Variants in PLXDC2 observed in about 807,000 individuals in gnomAD.
The protein encoded by PLXDC2 is plexin domain-containing protein 2.
In PLXDC2, 40 loss-of-function variants were observed where a neutral mutation model predicts 68.9. The ratio of observed to expected loss-of-function variants is 0.58; its 90% CI spans 0.45 to 0.76. PLXDC2 has a LOEUF of 0.76. PLXDC2 is among the 30% of genes least tolerant of loss of function. The pLI is 0.00. For synonymous variants in PLXDC2, 243 were observed against 234.2 expected, an observed-to-expected ratio of 1.04 and a Z score of -0.34; for missense variants, 644 against 661.9, an observed-to-expected ratio of 0.97 and a Z score of 0.30.
At chr10:19,896,781 A>G (rs767888746) in intron 1 of PLXDC2, among the ~76,000 whole-genome samples, 5 of 152,178 alleles carry the variant, frequency 3.3e-5, no homozygotes, top group Admixed American at 6.5e-5. Context: ...AGGTGTCTGC[A>G]TGGCTCAGAC....
In PLXDC2 at chr10:20,016,987, G is replaced by A. The variant is rs867171387; in HGVS notation, c.324+15001G>A. 7.2e-5 allele frequency among the ~76,000 whole-genome samples: 11 copies of A among 152,340 alleles called. No individual in the cohort carries two copies. In the Middle Eastern group the frequency reaches 0.027, roughly 377 times the overall value. ...CCACATTGGTCTTTTTGCTTCCGAG[G>A]TGGCTGTTTTTACCTACTTAGCTAG... is the stretch of plus-strand genomic sequence containing the variant. On this transcript the variant is annotated intron_variant, in intron 2 of 13. Transcript: ENST00000377252.
At chr10:19,961,749 G>A (rs1834157336) in intron 1 of PLXDC2, among the ~76,000 whole-genome samples, 2 of 152,162 alleles carry the variant, frequency 1.3e-5, no homozygotes, top group Non-Finnish European at 2.9e-5. Context: ...AGTGACCTAT[G>A]AGAGGAGTCA....
intron 1 of PLXDC2, among the ~76,000 whole-genome samples, chr10:19,886,357 A>G (rs1837845942): frequency 6.6e-6 from 1 of 152,140 alleles, no homozygotes; most frequent in Non-Finnish European, 1.5e-5. Flanking sequence ...CTTCATGAAC[A>G]TTGATGCAAA....
At chr10:19,990,128 A>AATG (rs1435246091) in intron 1 of PLXDC2, among the ~76,000 whole-genome samples, 4 of 151,962 alleles carry the variant, frequency 2.6e-5, no homozygotes, top group Non-Finnish European at 5.9e-5. Flanking sequence ...TTCATCACTT[A>AATG]ATGACTTTTT....
chr10:20,213,196 C>T (rs1416660935), intron 10 of PLXDC2, among the ~76,000 whole-genome samples: 8 of 151,936 alleles, frequency 5.3e-5, no homozygotes, highest in Admixed American at 1.3e-4. Context: ...TTGTCTTACA[C>T]GTCAAAATCT....
intron 13 of PLXDC2, among the ~76,000 whole-genome samples, chr10:20,268,685 G>T (rs1424538256): frequency 6.6e-6 from 1 of 152,110 alleles, no homozygotes; most frequent in Non-Finnish European, 1.5e-5. Flanking sequence ...AAATACACTG[G>T]CACTCCAGAC....
At chr10:19,937,198 A>G (rs1833739296) in intron 1 of PLXDC2, among the ~76,000 whole-genome samples, 1 of 152,128 alleles carries the variant, frequency 6.6e-6, no homozygotes, top group African/African-American at 2.4e-5. Flanking sequence ...ATTAATCTGC[A>G]TGTGGGACAA....
intron 13 of PLXDC2, among the ~76,000 whole-genome samples, chr10:20,276,036 T>C (rs1192736026): frequency 2.0e-5 from 3 of 152,192 alleles, no homozygotes; most frequent in Non-Finnish European, 4.4e-5. Context: ...CCCCAAGTCC[T>C]ACACTGGGAA....
intron 2 of PLXDC2, among the ~76,000 whole-genome samples, chr10:20,014,210 T>C (rs113220754): frequency 7.0e-6 from 1 of 142,816 alleles, no homozygotes; most frequent in African/African-American, 2.6e-5. Flanking sequence ...CCTTCCTTCC[T>C]TCCTTCCTTC....
At chr10:20,178,288 T>C (rs1834556262) in intron 9 of PLXDC2, among the ~76,000 whole-genome samples, 1 of 152,072 alleles carries the variant, frequency 6.6e-6, no homozygotes, top group South Asian at 2.1e-4. Context: ...GCAAAGATGG[T>C]TTTTCAGTTG....
chr10:19,911,215 AG>A (rs1833265913), intron 1 of PLXDC2, among the ~76,000 whole-genome samples: 1 of 151,944 alleles, frequency 6.6e-6, no homozygotes, highest in African/African-American at 2.4e-5. Flanking sequence ...CTCAAAAACT[AG>A]GCCAGAAACA....
intron 4 of PLXDC2, among the ~76,000 whole-genome samples, chr10:20,094,903 C>T (rs1201837572): frequency 6.6e-6 from 1 of 152,084 alleles, no homozygotes; most frequent in African/African-American, 2.4e-5. Context: ...TTCATTGATT[C>T]AAGAAACATT....
At chr10:20,018,591 C>T (rs1835251596) in intron 2 of PLXDC2, among the ~76,000 whole-genome samples, 1 of 152,160 alleles carries the variant, frequency 6.6e-6, no homozygotes, top group South Asian at 2.1e-4. Flanking sequence ...AAGCGGTTTA[C>T]TACTCCAAGT....
intron 1 of PLXDC2, among the ~76,000 whole-genome samples, chr10:19,865,876 A>G (rs1837405167): frequency 6.6e-6 from 1 of 152,182 alleles, no homozygotes; most frequent in South Asian, 2.1e-4. Context: ...TGATGCCCTT[A>G]AATCCTCCCT....
At chr10:20,000,326 C>G (rs1834913929) in intron 1 of PLXDC2, among the ~76,000 whole-genome samples, 1 of 150,550 alleles carries the variant, frequency 6.6e-6, no homozygotes, top group Non-Finnish European at 1.5e-5. Context: ...AAAAAGAACA[C>G]AATGCTACAT....
intron 6 of PLXDC2, among the ~76,000 whole-genome samples, chr10:20,153,442 C>A (rs1834176721): frequency 6.6e-6 from 1 of 152,158 alleles, no homozygotes; most frequent in South Asian, 2.1e-4. Flanking sequence ...TTTGTCTTTT[C>A]AAGACCTTGC....
chr10:20,286,756 C>T lies in PLXDC2; in HGVS notation c.*6937C>T, dbSNP rs1225260258. The T allele has an allele frequency of 6.6e-6, 1 of 152,126 alleles. No homozygotes were observed. Among genetic ancestry groups the T allele is most frequent in the Admixed American group, 6.6e-5 (1 of 15,264 alleles). 9.4% of individuals were successfully genotyped at this position (152,126 alleles called of 1,614,324 possible). On this transcript the variant is annotated 3_prime_UTR_variant, in exon 14 of 14. Coordinates refer to ENST00000377252, the MANE Select transcript of PLXDC2 (RefSeq NM_032812.9). ...AGTTGTTGTTTGAGATGGGGTTTTGCTCTTGTTACCCAGGCTGGAGTGCAA... is the reference window on the plus strand; with the variant it reads ...AGTTGTTGTTTGAGATGGGGTTTTGTTCTTGTTACCCAGGCTGGAGTGCAA...
At chr10:20,119,799 T>C (rs1164866204) in intron 4 of PLXDC2, among the ~76,000 whole-genome samples, 2 of 151,710 alleles carry the variant, frequency 1.3e-5, no homozygotes, top group South Asian at 4.2e-4. Context: ...TAAGGGGTGA[T>C]ATTGTGGATT....
chr10:19,916,003 G>A (rs190279890), intron 1 of PLXDC2, among the ~76,000 whole-genome samples: 2 of 152,016 alleles, frequency 1.3e-5, no homozygotes, highest in East Asian at 3.9e-4. Flanking sequence ...GCTTTCATGT[G>A]TACCTCTCTT....
Sources: gnomAD v4.1 joint callset for allele counts (sites outside exome capture counted in the v4.1 genomes callset) on GRCh38, gnomAD v4.1.1 for gene constraint, MANE v1.5 for transcripts, NCBI Gene and HGNC (gene_info 2026-07-23, HGNC 2026-07-21) for gene names.